The following CNOT3 variants were observed in gnomAD, a reference collection of about 807,000 sequenced individuals.
CNOT3 encodes CCR4-associated factor 3.
CNOT3 carries 2 observed loss-of-function variants against 89.4 expected under a neutral mutation model. The observed-to-expected ratio is 0.02, with a 90% confidence interval of 0.01 to 0.07. CNOT3 has a LOEUF of 0.07. Among genes scored for constraint, CNOT3 ranks in the 10% least tolerant of loss-of-function variants. CNOT3 has a pLI of 1.00. For missense variants in CNOT3, 664 were observed against 1,010.2 expected, an observed-to-expected ratio of 0.66 and a Z score of 4.65; for synonymous variants, 486 against 402.0, an observed-to-expected ratio of 1.21 and a Z score of -2.50.
chr19:54,154,099 C>A (rs1326091724), intron 17 of CNOT3: 6 of 680,932 alleles, frequency 8.8e-6, no homozygotes, highest in Non-Finnish European at 1.7e-5. Context: ...CTGGAGCCAC[C>A]CAGCCCAGTG....
intron 2 of CNOT3, 24 bp downstream of exon 2, chr19:54,143,027 A>G: frequency 6.2e-7 from 1 of 1,613,942 alleles, no homozygotes; most frequent in Non-Finnish European, 8.5e-7. Flanking sequence ...TTCCTGCTGC[A>G]CCTGTAGCCA....
chr19:54,139,039 TCAGGTGCCTGGTG>T (rs1403783202), intron 1 of CNOT3, among the ~76,000 whole-genome samples: 2 of 152,310 alleles, frequency 1.3e-5, no homozygotes, highest in African/African-American at 4.8e-5. Flanking sequence ...CCCCTGGCGC[TCAGGTGCCTGGTG>T]AAAGACACTA....
chr19:54,148,015 G>A lies in CNOT3; in HGVS notation c.895-133G>A. On this transcript the variant is annotated intron_variant, in intron 10 of 17. Coordinates refer to ENST00000221232, the MANE Select transcript of CNOT3 (RefSeq NM_014516.4). The surrounding 1 kb of genome is among the most constrained non-coding windows in gnomAD (Gnocchi z 6.3). ...TGAGTAAGGTCACCCAGGTCCCCAA[G>A]AGGGCAGGAGCAGGTGGGGGCAGCG... 1 of 582,518 alleles carries A rather than the reference G, an allele frequency of 1.7e-6. No homozygotes were observed. The allele number at this position is 582,518 out of a possible 1,614,324, so 36.1% of individuals were successfully genotyped here.
intron 1 of CNOT3, among the ~76,000 whole-genome samples, chr19:54,140,066 G>GC (rs759541944): frequency 3.3e-5 from 5 of 152,136 alleles, no homozygotes; most frequent in Non-Finnish European, 5.9e-5. Context: ...GCACATGACG[G>GC]CCCCCAAGGT....
chr19:54,147,385 G>C (rs2074737932), intron 10 of CNOT3, among the ~76,000 whole-genome samples: 1 of 152,198 alleles, frequency 6.6e-6, no homozygotes, highest in Non-Finnish European at 1.5e-5. Context: ...GTAGTAGTGA[G>C]GGCGGGCAAC....
chr19:54,149,617 G>C lies in CNOT3; in HGVS notation c.1464G>C (p.Gly488=), dbSNP rs1470702371. The change falls in exon 13 of 18, where the codon GGG becomes GGC. Residue 488 remains glycine, a synonymous_variant. Transcript: ENST00000221232. ...CTGGGGGCGTGGCCCCAGGCTCAGG[G>C]AACAACTCAGGGGGACCCAGCCTCC... is the stretch of plus-strand genomic sequence containing the variant. ...TGAGGVAPGS[G]NNSGGPSLLV... is the part of the protein sequence containing the mutation. 6.2e-6 allele frequency: 10 copies of C among 1,613,176 alleles called. No homozygotes were observed. In the African/African-American group the frequency reaches 1.3e-4, roughly 22 times the overall value.
rs1433853718 is a variant in CNOT3 at position 54,147,795 on chromosome 19, T to C, written c.895-353T>C. On this transcript the variant is annotated intron_variant, in intron 10 of 17. Coordinates refer to ENST00000221232, the MANE Select transcript of CNOT3 (RefSeq NM_014516.4). ...TTAGGCGGCTCCAGCTAATCTCATA[T>C]TGAGAACACTTAAGTGTTTCCCACT... 3.3e-5 allele frequency among the ~76,000 whole-genome samples: 5 copies of C among 152,314 alleles called. No homozygotes were observed. The South Asian group carries it at 8.3e-4, about 25-fold the overall frequency.
In CNOT3 at chr19:54,138,981, C is replaced by A. The variant is rs587739013; in HGVS notation, c.-51+988C>A. On this transcript the variant is annotated intron_variant, in intron 1 of 17. Transcript: ENST00000221232. ...CGACCTTCTGGGTGTGGGCGTCTCC[C>A]AGTGATATCAGGACCACTGTGGTCT... 3.9e-5 allele frequency among the ~76,000 whole-genome samples: 6 copies of A among 152,324 alleles called. No homozygotes were observed. The South Asian group carries it at 1.2e-3, about 32-fold the overall frequency.
intron 1 of CNOT3, among the ~76,000 whole-genome samples, chr19:54,139,016 G>T (rs2074340928): frequency 6.6e-6 from 1 of 152,140 alleles, no homozygotes; most frequent in African/African-American, 2.4e-5. Flanking sequence ...TTGTTGCTGG[G>T]GGCTGCTGGG....
At chr19:54,149,907 T>A in intron 13 of CNOT3, 149 bp downstream of exon 13, 1 of 833,448 alleles carries the variant, frequency 1.2e-6, no homozygotes, top group East Asian at 2.8e-5. Flanking sequence ...TTTCTCCAGG[T>A]CTTTCTGTAC....
chr19:54,149,785 C>G, intron 13 of CNOT3, 27 bp downstream of exon 13: 1 of 1,567,830 alleles, frequency 6.4e-7, no homozygotes, highest in Non-Finnish European at 8.7e-7. Context: ...TCCCCCGAGC[C>G]TCTGTGTCCT....
chr19:54,152,717 A>C, intron 15 of CNOT3, 91 bp downstream of exon 15: 1 of 1,178,870 alleles, frequency 8.5e-7, no homozygotes, highest in Non-Finnish European at 1.3e-6. Flanking sequence ...GTAGAGCACC[A>C]GGCCCCTGAC....
At chr19:54,147,016 C>T (rs1290801454) in intron 10 of CNOT3, among the ~76,000 whole-genome samples, 3 of 152,160 alleles carry the variant, frequency 2.0e-5, no homozygotes, top group Non-Finnish European at 2.9e-5. Flanking sequence ...GCCAGGTCTG[C>T]AGGGCCAGGG....
chr19:54,148,832 G>C lies in CNOT3; in HGVS notation c.1406+89G>C, dbSNP rs1047488913. 30 of 1,217,476 alleles carry C rather than the reference G, an allele frequency of 2.5e-5. No individual in the cohort carries two copies. Among genetic ancestry groups the C allele is most frequent in the Admixed American group, 4.7e-5 (2 of 42,282 alleles). The allele number at this position is 1,217,476 out of a possible 1,614,324, so 75.4% of individuals were successfully genotyped here. ...CCTCACCCCCGCATCGGTGGGTTCT[G>C]AACCCCCCGCCCTTGCTGCTGGGAA... On this transcript the variant is annotated intron_variant, in intron 12 of 17. Transcript: ENST00000221232. The surrounding 1 kb of genome is among the most constrained non-coding windows in gnomAD (Gnocchi z 6.3).
chr19:54,144,368 A>T lies in CNOT3; in HGVS notation c.483+36A>T. 6.6e-7 allele frequency: 1 copy of T among 1,514,850 alleles called. No individual in the cohort carries two copies. The highest frequency in any genetic ancestry group is 9.2e-7 in the Non-Finnish European group (1 of 1,091,042). The allele number at this position is 1,514,850 out of a possible 1,614,324, so 93.8% of individuals were successfully genotyped here. Reference sequence around the variant, plus strand: ...GAGACCCGACACCTTTGGGATGGGGATGGGCATGGGAATGGGCTGGCCAGC... The same window carrying T: ...GAGACCCGACACCTTTGGGATGGGGTTGGGCATGGGAATGGGCTGGCCAGC... On this transcript the variant is annotated intron_variant, in intron 7 of 17. Coordinates refer to ENST00000221232, the MANE Select transcript of CNOT3 (RefSeq NM_014516.4). This position sits in a 1 kb window ranked among gnomAD's most constrained non-coding sequence, Gnocchi z 4.8.
At position 54,155,541 on chromosome 19, in the gene CNOT3, G is replaced by T; in HGVS notation, c.*134G>T. The T allele has an allele frequency of 1.1e-6, 1 of 909,452 alleles. No homozygotes were observed. The highest frequency in any genetic ancestry group is 1.6e-6 in the Non-Finnish European group (1 of 609,602). The allele number at this position is 909,452 out of a possible 1,614,324, so 56.3% of individuals were successfully genotyped here. On this transcript the variant is annotated 3_prime_UTR_variant, in exon 18 of 18. Transcript: ENST00000221232. Reference sequence around the variant, plus strand: ...CCCCTCTCCCAGGAAGCAGGGAGGGGGCCGGGAGGTTTTCCTCTCAGCCCC... The same window carrying T: ...CCCCTCTCCCAGGAAGCAGGGAGGGTGCCGGGAGGTTTTCCTCTCAGCCCC...
chr19:54,140,065 G>A (rs1033748874), intron 1 of CNOT3, among the ~76,000 whole-genome samples: 2 of 152,124 alleles, frequency 1.3e-5, no homozygotes, highest in African/African-American at 2.4e-5. Flanking sequence ...GGCACATGAC[G>A]GCCCCCAAGG....
At position 54,152,081 on chromosome 19, in the gene CNOT3, C is replaced by A. The variant is rs1466468602; in HGVS notation, c.1606-145C>A. On this transcript the variant is annotated intron_variant, in intron 13 of 17. Coordinates refer to ENST00000221232, the MANE Select transcript of CNOT3 (RefSeq NM_014516.4). Reference sequence around the variant, plus strand: ...GTTTCCCTACAGTTTGATGCTTTTACCTGTCATGGGTAGATTGTGGGGAGT... The same window carrying A: ...GTTTCCCTACAGTTTGATGCTTTTAACTGTCATGGGTAGATTGTGGGGAGT... 9.7e-6 allele frequency: 7 copies of A among 721,934 alleles called. No homozygotes were observed. In the African/African-American group the frequency reaches 1.1e-4, roughly 11 times the overall value. 44.7% of individuals were successfully genotyped at this position (721,934 alleles called of 1,614,324 possible). A position where few individuals can be genotyped will look rare whatever the true frequency, so the allele number is the denominator to read the frequency against.
Position 54,146,060 on chromosome 19 carries a change from C to T in CNOT3, c.837+17C>T, listed in dbSNP as rs1465338452. ...TGTACCACGGTGAGGCCCCACGGGA[C>T]ACTAGTACCTTGTGTTTCCAGCAGG... is the stretch of plus-strand genomic sequence containing the variant. On this transcript the variant is annotated intron_variant, in intron 9 of 17. Transcript: ENST00000221232. 1 of 1,611,508 alleles carries T rather than the reference C, an allele frequency of 6.2e-7. No individual in the cohort carries two copies. Among genetic ancestry groups the T allele is most frequent in the Non-Finnish European group, 8.5e-7 (1 of 1,179,184 alleles).
Sources: allele counts gnomAD v4.1 joint callset (sites outside exome capture counted in the v4.1 genomes callset), GRCh38; gene constraint gnomAD v4.1.1; non-coding constraint Gnocchi (gnomAD v3.1); transcripts MANE v1.5; gene names NCBI Gene and HGNC (gene_info 2026-07-23, HGNC 2026-07-21).